Variants in ZBTB1 observed in about 807,000 individuals in gnomAD.
ZBTB1 encodes zinc finger and BTB domain containing 1.
A neutral mutation model predicts 51.6 loss-of-function variants in ZBTB1; 13 were observed. That is an observed-to-expected ratio of 0.25 (90% CI 0.16 to 0.40). The LOEUF is 0.40. ZBTB1 is among the 10% of genes least tolerant of loss of function. ZBTB1 has a pLI of 1.00. For synonymous variants in ZBTB1, 240 were observed against 282.2 expected (o/e 0.85, Z 1.50); for missense variants, 567 against 856.5 (o/e 0.66, Z 4.22).
At chr14:64,515,092 CTT>C (rs1048538021) in intron 1 of ZBTB1, among the ~76,000 whole-genome samples, 41 of 152,188 alleles carry the variant, frequency 2.7e-4, no homozygotes, top group African/African-American at 9.9e-4. Context: ...CAGTATAAAA[CTT>C]TTTGGATCAC....
intron 1 of ZBTB1, among the ~76,000 whole-genome samples, chr14:64,517,777 A>ATTTT (rs1566632884): frequency 9.3e-5 from 4 of 43,030 alleles, no homozygotes; most frequent in Non-Finnish European, 1.8e-4. Flanking sequence ...ATATATATAT[A>ATTTT]TATATTTTTT....
At chr14:64,519,149 C>A (rs1245473025) in intron 1 of ZBTB1, among the ~76,000 whole-genome samples, 1 of 133,180 alleles carries the variant, frequency 7.5e-6, no homozygotes, top group Non-Finnish European at 1.6e-5. Context: ...TTTTTTGCTA[C>A]TTTTTTTTTT....
chr14:64,518,904 G>GTGTATA (rs71444662), intron 1 of ZBTB1, among the ~76,000 whole-genome samples: 6 of 95,122 alleles, frequency 6.3e-5, no homozygotes, highest in African/African-American at 1.8e-4. Flanking sequence ...TTGCAGAGAG[G>GTGTATA]TATATATATA....
intron 1 of ZBTB1, among the ~76,000 whole-genome samples, chr14:64,521,182 T>C (rs2079856615): frequency 6.6e-6 from 1 of 152,192 alleles, no homozygotes; most frequent in Admixed American, 6.5e-5. Context: ...TATTTTTAAA[T>C]TAATGTCTTT....
At chr14:64,507,754 T>A (rs1030625693) in intron 1 of ZBTB1, among the ~76,000 whole-genome samples, 8 of 152,250 alleles carry the variant, frequency 5.3e-5, no homozygotes, top group African/African-American at 1.9e-4. Context: ...TCATACTTTG[T>A]TCATGTTAAT....
Position 64,522,849 on chromosome 14 carries a change from G to A in ZBTB1, c.1345G>A (p.Ala449Thr). 6.2e-7 allele frequency: 1 copy of A among 1,614,160 alleles called. No individual in the cohort carries two copies. Among genetic ancestry groups the A allele is most frequent in the Non-Finnish European group, 8.5e-7 (1 of 1,180,020 alleles). Residue 449 changes from alanine to threonine, a missense_variant, in exon 2 of 2, where the codon GCA (alanine) becomes ACA (threonine). Coordinates refer to ENST00000683701, the MANE Select transcript of ZBTB1 (RefSeq NM_001123329.2). ...AGCCAAACACATTGAAAATATCTGTGCATGTGGTAAATGTGGACAAATACT... is the reference window on the plus strand; with the variant it reads ...AGCCAAACACATTGAAAATATCTGTACATGTGGTAAATGTGGACAAATACT... ...YLAKHIENIC[A>T]CGKCGQILVK...
downstream of ZBTB1, among the ~76,000 whole-genome samples, chr14:64,525,342 C>T (rs2079896165): frequency 6.6e-6 from 1 of 152,214 alleles, no homozygotes; most frequent in South Asian, 2.1e-4. Flanking sequence ...ACAGCAAAAG[C>T]AGGAAAAGTG....
chr14:64,515,961 A>G (rs928914552), intron 1 of ZBTB1, among the ~76,000 whole-genome samples: 1 of 152,166 alleles, frequency 6.6e-6, no homozygotes, highest in African/African-American at 2.4e-5. Flanking sequence ...GGCTAGGCAC[A>G]GTGGTTTATA....
chr14:64,526,454 C>T (rs1441099856), downstream of ZBTB1, among the ~76,000 whole-genome samples: 2 of 139,064 alleles, frequency 1.4e-5, no homozygotes, highest in Non-Finnish European at 3.2e-5. Flanking sequence ...TGTTCAGGTT[C>T]CAAATCTAAA....
In ZBTB1 at chr14:64,521,676, C is replaced by T; in HGVS notation, c.172C>T (p.His58Tyr). ...YFRMFFMNHQ[H>Y]STAQLNLSNM... ...TAGAATGTTTTTCATGAACCATCAGCATAGTACTGCACAACTGAATCTCAG... is the reference window on the plus strand; with the variant it reads ...TAGAATGTTTTTCATGAACCATCAGTATAGTACTGCACAACTGAATCTCAG... Residue 58 changes from histidine (H) to tyrosine (Y), a missense_variant, in exon 2 of 2, where the codon CAT becomes TAT. Physicochemically the swap from His to Tyr is moderately conservative, Grantham distance 83 (BLOSUM62 2). Around this residue, in one of 5 missense-constraint regions of ZBTB1, gnomAD observed 69 missense variants for 136.4 expected, o/e 0.51. Coordinates refer to ENST00000683701, the MANE Select transcript of ZBTB1 (RefSeq NM_001123329.2). 1 of 1,614,144 alleles carries T rather than the reference C, an allele frequency of 6.2e-7. No homozygotes were observed. The highest frequency in any genetic ancestry group is 2.2e-5 in the East Asian group (1 of 44,888).
In ZBTB1 at chr14:64,524,352, A is replaced by G. The variant is rs2079887019; in HGVS notation, c.*706A>G. 1.1e-6 allele frequency: 1 copy of G among 912,632 alleles called. No homozygotes were observed. The highest frequency in any genetic ancestry group is 6.2e-5 in the Admixed American group (1 of 16,176). The allele number at this position is 912,632 out of a possible 1,614,324, so 56.5% of individuals were successfully genotyped here. On this transcript the variant is annotated 3_prime_UTR_variant, in exon 2 of 2. Transcript: ENST00000683701. ...ATTCCAGTGGCTTTACCTCACTTGAAAAATTAGTGGGGATAAGCCATTTTG... is the reference window on the plus strand; with the variant it reads ...ATTCCAGTGGCTTTACCTCACTTGAGAAATTAGTGGGGATAAGCCATTTTG...
intron 1 of ZBTB1, among the ~76,000 whole-genome samples, chr14:64,508,825 T>C (rs1460998035): frequency 6.6e-6 from 1 of 152,226 alleles, no homozygotes; most frequent in African/African-American, 2.4e-5. Context: ...CTTACCTGTT[T>C]AAACATTTAT....
At chr14:64,531,950 C>A in exon 3 of ZBTB1, 1 of 1,601,730 alleles carries the variant, frequency 6.2e-7, no homozygotes, top group Non-Finnish European at 8.5e-7. Context: ...AACAGATAAT[C>A]TTTAAGTACA....
rs1247831310 is a variant in ZBTB1, at chr14:64,522,677, A to C, written c.1173A>C (p.Arg391=). The change falls in exon 2 of 2, where the codon CGA becomes CGC. Residue 391 remains arginine (R), a synonymous_variant. Transcript: ENST00000683701. ...GTGGTAGGAAAACTCTAAAACCTCG[A>C]ATGTCAGTAAGTGCTGATGAAAGAG... ...KKSGRKTLKP[R]MSVSADERGG... 6.2e-7 allele frequency: 1 copy of C among 1,614,210 alleles called. No homozygotes were observed. Among genetic ancestry groups the C allele is most frequent in the Admixed American group, 1.7e-5 (1 of 60,030 alleles).
chr14:64,505,792 G>A (rs1321505784), intron 1 of ZBTB1, among the ~76,000 whole-genome samples: 1 of 152,192 alleles, frequency 6.6e-6, no homozygotes, highest in Non-Finnish European at 1.5e-5. Flanking sequence ...GTGTGATAAC[G>A]TTCTTAAGTC....
intron 1 of ZBTB1, among the ~76,000 whole-genome samples, chr14:64,515,428 G>T (rs1477129884): frequency 6.6e-6 from 1 of 151,680 alleles, no homozygotes; most frequent in Non-Finnish European, 1.5e-5. Context: ...TTTTTTGGCA[G>T]CATTAATAAA....
chr14:64,516,799 A>G (rs2079791189), intron 1 of ZBTB1: 2 of 152,250 alleles, frequency 1.3e-5, no homozygotes, highest in African/African-American at 2.4e-5. Context: ...TTAAAATGCT[A>G]TAAGTGCTCT....
Position 64,523,132 on chromosome 14 carries a change from T to G in ZBTB1, c.1628T>G (p.Phe543Cys). Residue 543 changes from phenylalanine to cysteine, a missense_variant, in exon 2 of 2, where the codon TTT becomes TGT. Around this residue, in one of 5 missense-constraint regions of ZBTB1, gnomAD observed 329 missense variants for 406.3 expected, o/e 0.81. Transcript: ENST00000683701. This position sits in a 1 kb window ranked among gnomAD's most constrained non-coding sequence, Gnocchi z 4.5. ...PFRCPNCGQRFETENLVVEHM... is the reference protein window; with the variant it reads ...PFRCPNCGQRCETENLVVEHM... Reference sequence around the variant, plus strand: ...CGATGTCCTAATTGTGGCCAGCGTTTTGAAACTGAAAATCTAGTGGTTGAA... The same window carrying G: ...CGATGTCCTAATTGTGGCCAGCGTTGTGAAACTGAAAATCTAGTGGTTGAA... The G allele has an allele frequency of 6.2e-7, 1 of 1,614,220 alleles. No homozygotes were observed.
chr14:64,531,795 G>A, intron 2 of ZBTB1: 1 of 1,592,350 alleles, frequency 6.3e-7, no homozygotes, highest in Non-Finnish European at 8.6e-7. Context: ...GAATTATGTT[G>A]TATCTTGTAG....
Sources: gnomAD v4.1 joint callset for allele counts (sites outside exome capture counted in the v4.1 genomes callset) on GRCh38, gnomAD v4.1.1 for gene constraint, gnomAD v4.1.1 regional missense constraint, Gnocchi (gnomAD v3.1) non-coding constraint, MANE v1.5 for transcripts, NCBI Gene and HGNC (gene_info 2026-07-23, HGNC 2026-07-21) for gene names.